The following LDAF1 variants were observed in gnomAD, a reference collection of about 807,000 sequenced individuals.
LDAF1 encodes PROMETHIN.
Under a neutral mutation model 13.5 loss-of-function variants are expected in LDAF1, and 7 were observed. That is an observed-to-expected ratio of 0.52 (90% CI 0.29 to 0.97). LDAF1 has a LOEUF of 0.97. LDAF1 is among the 50% of genes least tolerant of loss of function. LDAF1 has a pLI of 0.07. For synonymous variants in LDAF1, 69 were observed against 77.1 expected, an observed-to-expected ratio of 0.89 and a Z score of 0.55; for missense variants, 148 against 193.2, an observed-to-expected ratio of 0.77 and a Z score of 1.39.
At chr16:21,160,842 T>C (rs2092965118) in intron 1 of LDAF1, 3 of 229,916 alleles carry the variant, frequency 1.3e-5, no homozygotes, top group Admixed American at 1.0e-4. Flanking sequence ...AGTCATTATA[T>C]GTTATAAACA....
intron 4 of LDAF1, among the ~76,000 whole-genome samples, chr16:21,175,786 G>A (rs1453051151): frequency 6.6e-6 from 1 of 152,186 alleles, no homozygotes; most frequent in Admixed American, 6.5e-5. Flanking sequence ...AAAATAAAGG[G>A]TGAAGTGGGT....
chr16:21,170,717 G>GAGTTTGAGACCAGC, intron 3 of LDAF1, 112 bp downstream of exon 3: 3 of 1,318,208 alleles, frequency 2.3e-6, no homozygotes, highest in East Asian at 2.4e-5. Flanking sequence ...TGTTGCCCAG[G>GAGTTTGAGACCAGC]CTGGTCTCAA....
rs563969776 is a variant in LDAF1, at chr16:21,170,593, A to G, written c.253A>G (p.Ile85Val). 3 of 1,614,158 alleles carry G rather than the reference A, an allele frequency of 1.9e-6. No individual in the cohort carries two copies. The South Asian group carries it at 3.3e-5, about 18-fold the overall frequency. Residue 85 changes from isoleucine (I) to valine (V), a missense_variant, in exon 3 of 5, where the codon ATA becomes GTA. Transcript: ENST00000233047. ...LTTLAALLGVIILEGLVISVG... is the reference protein window; with the variant it reads ...LTTLAALLGVVILEGLVISVG... ...CACCCTGGCTGCTCTGCTGGGGGTC[A>G]TAATATTGGAAGGTAGCCTGTTCCG... is the stretch of plus-strand genomic sequence containing the variant.
chr16:21,166,742 C>T (rs765153708), intron 2 of LDAF1: 25 of 969,326 alleles, frequency 2.6e-5, no homozygotes, highest in Non-Finnish European at 3.4e-5. Flanking sequence ...CATGTGGATT[C>T]GAACTGGAAA....
chr16:21,178,416 T>G, intron 4 of LDAF1: 3 of 984,412 alleles, frequency 3.0e-6, no homozygotes, highest in Non-Finnish European at 3.6e-6. Flanking sequence ...GAGGAATGGT[T>G]TAGGTGGCAA....
rs2093165986 is a variant in LDAF1 at position 21,179,564 on chromosome 16, C to T, written c.*8C>T. 5 of 1,611,898 alleles carry T rather than the reference C, an allele frequency of 3.1e-6. No individual in the cohort carries two copies. In the East Asian group the frequency reaches 1.1e-4, roughly 36 times the overall value. ...GGGCTTTACCAGGAATGAGTGACTGCTCAGAGGCCGGGCTTCTTTTCAAGT... is the reference window on the plus strand; with the variant it reads ...GGGCTTTACCAGGAATGAGTGACTGTTCAGAGGCCGGGCTTCTTTTCAAGT... On this transcript the variant is annotated 3_prime_UTR_variant, in exon 5 of 5. Transcript: ENST00000233047.
chr16:21,179,862 CAG>C lies in LDAF1; in HGVS notation c.*307_*308del, dbSNP rs374314293. 1.9e-5 allele frequency: 5 copies of C among 260,622 alleles called. No individual in the cohort carries two copies. Among genetic ancestry groups the C allele is most frequent in the African/African-American group, 1.1e-4 (5 of 44,712 alleles). The allele number at this position is 260,622 out of a possible 1,614,324, so 16.1% of individuals were successfully genotyped here. On this transcript the variant is annotated 3_prime_UTR_variant, in exon 5 of 5. Coordinates refer to ENST00000233047, the MANE Select transcript of LDAF1 (RefSeq NM_001301771.2). ...GTCTAGCCCGTTGACCCCAAAGCCT[CAG>C]GGCTTATGTCCAACGGTCCCATTGG...
rs1271609623 is a variant in LDAF1 at position 21,168,741 on chromosome 16, T to G, written c.97-1696T>G. Among the ~76,000 whole-genome samples, 31 of 134,076 alleles carry G rather than the reference T, an allele frequency of 2.3e-4. 1 individual carries two copies. The South Asian group carries it at 3.7e-3, about 16-fold the overall frequency. 88.0% of individuals were successfully genotyped at this position (134,076 alleles called of 152,430 possible). ...TATATTTTTAATATTATATTATATT[T>G]TTATTTTATATATTATAATTATAAA... On this transcript the variant is annotated intron_variant, in intron 2 of 4. Coordinates refer to ENST00000233047, the MANE Select transcript of LDAF1 (RefSeq NM_001301771.2).
At chr16:21,161,009 G>A in intron 1 of LDAF1, 76 bp from the exon 2 acceptor site, 4 of 1,380,682 alleles carry the variant, frequency 2.9e-6, no homozygotes, top group Non-Finnish European at 3.7e-6. Context: ...CACCATCAAG[G>A]TATGAGGATG....
intron 1 of LDAF1, chr16:21,159,551 A>C: frequency 9.5e-7 from 1 of 1,053,032 alleles, no homozygotes; most frequent in Non-Finnish European, 1.4e-6. Context: ...GAGCCTTGGA[A>C]GGGGAAAGGG....
chr16:21,160,910 CA>C, intron 1 of LDAF1, 174 bp from the exon 2 acceptor site: 2 of 654,714 alleles, frequency 3.1e-6, no homozygotes, highest in East Asian at 8.0e-5. Context: ...TTATTTCCAT[CA>C]TGTTCCTGGA....
Position 21,161,095 on chromosome 16 carries a change from A to G in LDAF1, c.-88A>G. The G allele has an allele frequency of 6.4e-7, 1 of 1,561,582 alleles. No individual in the cohort carries two copies. The highest frequency in any genetic ancestry group is 8.6e-7 in the Non-Finnish European group (1 of 1,157,950). On this transcript the variant is annotated 5_prime_UTR_variant, in exon 2 of 5. Transcript: ENST00000233047. ...TTCCTCTGGTAACAGCAAGAGACAG[A>G]GCGACATGAGAGATTGGACCGCGGG...
intron 1 of LDAF1, chr16:21,159,375 G>A: frequency 6.2e-7 from 1 of 1,614,032 alleles, no homozygotes; most frequent in South Asian, 1.1e-5. Context: ...GCTTTTGAAC[G>A]CTGAAAGGCT....
intron 3 of LDAF1, among the ~76,000 whole-genome samples, chr16:21,170,882 A>G (rs2093081867): frequency 1.3e-5 from 2 of 152,204 alleles, no homozygotes. Context: ...TGGAGCCTGC[A>G]TTCAAATCCC....
At position 21,174,113 on chromosome 16, in the gene LDAF1, G is replaced by C. The variant is rs150640751; in HGVS notation, c.369G>C (p.Val123=). The C allele has an allele frequency of 2.0e-5, 32 of 1,613,768 alleles. No individual in the cohort carries two copies. The African/African-American group carries it at 3.2e-4, about 16-fold the overall frequency. Residue 123 remains valine (V), a synonymous_variant, in exon 4 of 5, where the codon GTG becomes GTC. Coordinates refer to ENST00000233047, the MANE Select transcript of LDAF1 (RefSeq NM_001301771.2). ...MSGMMIASYV[V]VSSLISCWFS... ...GGATGATGATAGCATCTTATGTAGT[G>C]GTCTCCAGCCTCATCAGCTGCTGGT...
chr16:21,169,631 T>C (rs142988909), intron 2 of LDAF1, among the ~76,000 whole-genome samples: 7 of 152,296 alleles, frequency 4.6e-5, no homozygotes, highest in Non-Finnish European at 1.0e-4. Flanking sequence ...TCTAACAAAC[T>C]CCTAGATGAT....
At chr16:21,162,530 T>C (rs1027008317) in intron 2 of LDAF1, among the ~76,000 whole-genome samples, 5 of 152,256 alleles carry the variant, frequency 3.3e-5, no homozygotes, top group Non-Finnish European at 7.3e-5. Flanking sequence ...AGACCTTTTT[T>C]CTATGCAATA....
In LDAF1 at chr16:21,170,686, T is replaced by G; in HGVS notation, c.265+81T>G. On this transcript the variant is annotated intron_variant, in intron 3 of 4. Coordinates refer to ENST00000233047, the MANE Select transcript of LDAF1 (RefSeq NM_001301771.2). ...CTTTTGGGGCCATTTAAAAATTTTT[T>G]TAAGGGGCGGGGTCTTGTTATGTTG... The G allele has an allele frequency of 1.9e-6, 3 of 1,554,948 alleles. No individual in the cohort carries two copies. The African/African-American group carries it at 4.1e-5, about 21-fold the overall frequency.
chr16:21,165,606 T>C, intron 2 of LDAF1: 1 of 983,818 alleles, frequency 1.0e-6, no homozygotes, highest in Non-Finnish European at 1.2e-6. Context: ...TTGACCACAG[T>C]ATATCTTGCC....
Sources: allele counts gnomAD v4.1 joint callset (sites outside exome capture counted in the v4.1 genomes callset), GRCh38; gene constraint gnomAD v4.1.1; transcripts MANE v1.5; gene names NCBI Gene and HGNC (gene_info 2026-07-23, HGNC 2026-07-21).